The following MPP4 variants were observed in gnomAD, a reference collection of about 807,000 sequenced individuals.
MPP4 encodes the protein MAGUK p55 scaffold protein 4.
Under a neutral mutation model 98.3 loss-of-function variants are expected in MPP4, and 91 were observed. That is an observed-to-expected ratio of 0.93 (90% CI 0.78 to 1.10). The LOEUF (loss-of-function observed/expected upper bound fraction) is 1.10. MPP4 is among the 50% of genes least tolerant of loss of function. The pLI is 0.00. For missense variants in MPP4, 744 were observed against 792.9 expected, an observed-to-expected ratio of 0.94 and a Z score of 0.74; for synonymous variants, 261 against 271.8, an observed-to-expected ratio of 0.96 and a Z score of 0.39.
At position 201,675,129 on chromosome 2, in the gene MPP4, A is replaced by G. The variant is rs770446137; in HGVS notation, c.994+78T>C. The G allele has an allele frequency of 3.4e-5, 50 of 1,451,040 alleles. 1 individual carries two copies. The South Asian group carries it at 5.7e-4, about 17-fold the overall frequency. 89.9% of individuals were successfully genotyped at this position (1,451,040 alleles called of 1,614,324 possible). A position where few individuals can be genotyped will look rare whatever the true frequency, so the allele number is the denominator to read the frequency against. ...ATGTGGCATGGCCAGCCTCACATCA[A>G]TTAGACTCTTTATTTACTGCAATGC... On this transcript the variant is annotated intron_variant, in intron 11 of 21. Coordinates refer to ENST00000409474, the MANE Select transcript of MPP4 (RefSeq NM_033066.3).
chr2:201,688,560 A>G lies in MPP4; in HGVS notation c.280-1189T>C, dbSNP rs550916548. ...GGGCAAGAGCATTGCTGACATAAGG[A>G]ATGGCGAGTGCAAAGGGCCCCAGGC... On this transcript the variant is annotated intron_variant, in intron 4 of 21. Transcript: ENST00000409474. 3.9e-5 allele frequency among the ~76,000 whole-genome samples: 6 copies of G among 152,234 alleles called. No homozygotes were observed. The South Asian group carries it at 1.2e-3, about 32-fold the overall frequency.
intron 12 of MPP4, among the ~76,000 whole-genome samples, chr2:201,667,461 T>C (rs1688214122): frequency 6.6e-6 from 1 of 152,262 alleles, no homozygotes; most frequent in African/African-American, 2.4e-5. Context: ...CCTAGACAGC[T>C]TCTTGAAGAC....
At chr2:201,685,438 T>C (rs1163900326) in intron 6 of MPP4, among the ~76,000 whole-genome samples, 3 of 152,106 alleles carry the variant, frequency 2.0e-5, no homozygotes, top group African/African-American at 7.2e-5. Context: ...CTTCCTGGAG[T>C]CTCATTTCAA....
At chr2:201,665,520 A>G (rs1688154267) in intron 13 of MPP4, 1 of 152,190 alleles carries the variant, frequency 6.6e-6, no homozygotes, top group African/African-American at 2.4e-5. Context: ...TAAATTTTGA[A>G]CTATGTGAAT....
chr2:201,664,548 T>A (rs998171840), intron 13 of MPP4, among the ~76,000 whole-genome samples: 8 of 152,102 alleles, frequency 5.3e-5, no homozygotes, highest in African/African-American at 1.9e-4. Flanking sequence ...AGTGAGCATA[T>A]GAATGACTTG....
intron 3 of MPP4, among the ~76,000 whole-genome samples, chr2:201,691,180 T>C (rs1689009740): frequency 6.6e-6 from 1 of 152,224 alleles, no homozygotes; most frequent in Non-Finnish European, 1.5e-5. Context: ...CTATCTTAGC[T>C]GATCCTGTGG....
intron 8 of MPP4, among the ~76,000 whole-genome samples, chr2:201,682,333 C>T (rs1574629821): frequency 6.6e-6 from 1 of 152,346 alleles, no homozygotes; most frequent in Non-Finnish European, 1.5e-5. Context: ...GCCTCAGTCT[C>T]TAAGCCACTG....
chr2:201,692,946 C>T lies in MPP4; in HGVS notation c.163G>A (p.Asp55Asn), dbSNP rs748699688. The change falls in exon 3 of 22, where the codon GAT becomes AAT. Residue 55 changes from aspartate (D) to asparagine (N), a missense_variant. By Grantham distance (23) the Asp-to-Asn change is conservative. Transcript: ENST00000409474. ...RDVNGVCLLY[D>N]LLHSPWLQAL... ...TGAAGCCACGGCGAGTGGAGGAGAT[C>T]GTACAAGAGACACACTCCATTCACA... 10 of 1,611,684 alleles carry T rather than the reference C, an allele frequency of 6.2e-6. No individual in the cohort carries two copies. The highest frequency in any genetic ancestry group is 5.0e-5 in the Admixed American group (3 of 59,730).
At chr2:201,657,946 G>T (rs1687903927) in intron 16 of MPP4, among the ~76,000 whole-genome samples, 1 of 151,018 alleles carries the variant, frequency 6.6e-6, no homozygotes, top group Non-Finnish European at 1.5e-5. Flanking sequence ...ACAGAAAGGT[G>T]GCCCCTTGTT....
chr2:201,663,077 G>A (rs1234999442), intron 14 of MPP4, among the ~76,000 whole-genome samples: 5 of 152,160 alleles, frequency 3.3e-5, no homozygotes, highest in African/African-American at 7.2e-5. Context: ...AACAGGATAC[G>A]TGGAATAAAT....
chr2:201,651,442 A>G, intron 18 of MPP4: 1 of 984,866 alleles, frequency 1.0e-6, no homozygotes, highest in Non-Finnish European at 1.2e-6. Context: ...ACCCAAGATG[A>G]CTCCTCCTTT....
chr2:201,670,311 C>T (rs1310099879), intron 11 of MPP4, among the ~76,000 whole-genome samples: 1 of 152,080 alleles, frequency 6.6e-6, no homozygotes, highest in African/African-American at 2.4e-5. Context: ...AAGACTTAAG[C>T]AGAGCAGAAA....
At chr2:201,651,009 A>G (rs1687698677) in intron 18 of MPP4, 2 of 984,600 alleles carry the variant, frequency 2.0e-6, no homozygotes, top group Non-Finnish European at 2.4e-6. Context: ...TGTTCCAGGT[A>G]TCATGTTAGG....
chr2:201,651,537 C>T (rs1223810825), intron 18 of MPP4: 19 of 985,208 alleles, frequency 1.9e-5, no homozygotes, highest in Non-Finnish European at 2.2e-5. Context: ...AGCTTAAAAC[C>T]TCAATTTAAA....
Position 201,681,511 on chromosome 2 carries a change from C to T in MPP4, c.717G>A (p.Val239=), listed in dbSNP as rs1470959371. The change falls in exon 9 of 22, where the codon GTG becomes GTA. Residue 239 remains valine (V), a synonymous_variant. Coordinates refer to ENST00000409474, the MANE Select transcript of MPP4 (RefSeq NM_033066.3). ...FKVVPVSDPP[V]NSQQMVYVRA... is the part of the protein sequence containing the mutation. ...AAATTCTTACCATCTGCTGGCTATT[C>T]ACAGGAGGGTCAGAGACTGGAACCA... 6.2e-7 allele frequency: 1 copy of T among 1,613,610 alleles called. No individual in the cohort carries two copies. The highest frequency in any genetic ancestry group is 8.5e-7 in the Non-Finnish European group (1 of 1,179,682).
At chr2:201,664,253 G>T (rs1425584393) in intron 13 of MPP4, 152 bp from the exon 14 acceptor site, 1 of 1,486,312 alleles carries the variant, frequency 6.7e-7, no homozygotes, top group Non-Finnish European at 9.1e-7. Context: ...AATCGATGGT[G>T]TCTCTATGGC....
At chr2:201,678,156 T>C (rs1688565841) in intron 10 of MPP4, among the ~76,000 whole-genome samples, 1 of 151,586 alleles carries the variant, frequency 6.6e-6, no homozygotes, top group Non-Finnish European at 1.5e-5. Context: ...CTATCATTCT[T>C]TGTTTGTGTG....
intron 16 of MPP4, 58 bp downstream of exon 16, chr2:201,658,418 GT>G: frequency 6.9e-7 from 1 of 1,454,324 alleles, no homozygotes; most frequent in Non-Finnish European, 9.6e-7. Flanking sequence ...ACAGTGTCAG[GT>G]TTGGAAACAT....
intron 16 of MPP4, 55 bp from the exon 17 acceptor site, chr2:201,656,423 G>T: frequency 2.1e-6 from 3 of 1,445,688 alleles, no homozygotes; most frequent in Non-Finnish European, 2.8e-6. Flanking sequence ...ATCACTTGTA[G>T]CTTCACACCT....
Sources: gnomAD v4.1 joint callset for allele counts (sites outside exome capture counted in the v4.1 genomes callset) on GRCh38, gnomAD v4.1.1 for gene constraint, MANE v1.5 for transcripts, NCBI Gene and HGNC (gene_info 2026-07-23, HGNC 2026-07-21) for gene names.